Variants in PCDH9 observed in about 807,000 individuals in gnomAD.
PCDH9 encodes protocadherin 9.
A neutral mutation model predicts 70.6 loss-of-function variants in PCDH9; 24 were observed. That is an observed-to-expected ratio of 0.34 (90% CI 0.25 to 0.48). The LOEUF is 0.48. PCDH9 is among the 20% of genes least tolerant of loss of function. PCDH9 has a pLI of 0.99. For synonymous variants in PCDH9, 562 were observed against 558.5 expected (o/e 1.01, Z -0.09); for missense variants, 1,281 against 1,503.6 (o/e 0.85, Z 2.45).
intron 3 of PCDH9, among the ~76,000 whole-genome samples, chr13:66,764,787 C>A (rs9571656): frequency 2.0e-5 from 3 of 151,752 alleles, no homozygotes; most frequent in Non-Finnish European, 4.4e-5. Flanking sequence ...TAGATGCACA[C>A]TGATTAAGAA....
intron 4 of PCDH9, among the ~76,000 whole-genome samples, chr13:66,488,645 T>C (rs1958985447): frequency 6.6e-6 from 1 of 152,140 alleles, no homozygotes; most frequent in South Asian, 2.1e-4. Flanking sequence ...TAATATGTAT[T>C]AGTAGAAGAA....
At chr13:66,330,593 G>C (rs926913154) in intron 4 of PCDH9, among the ~76,000 whole-genome samples, 5 of 152,108 alleles carry the variant, frequency 3.3e-5, no homozygotes, top group Admixed American at 6.6e-5. Context: ...GTGTGGGGGT[G>C]GGGGAAAGCC....
intron 2 of PCDH9, among the ~76,000 whole-genome samples, chr13:67,008,073 A>G (rs751624653): frequency 2.6e-5 from 4 of 152,130 alleles, no homozygotes; most frequent in Non-Finnish European, 4.4e-5. Flanking sequence ...TTAAACTTAG[A>G]ATAATTTCTC....
intron 3 of PCDH9, among the ~76,000 whole-genome samples, chr13:66,811,788 C>T (rs2080512689): frequency 6.7e-6 from 1 of 150,326 alleles, no homozygotes; most frequent in African/African-American, 2.4e-5. Context: ...TCTTTTCCTT[C>T]TCTTTCTCTC....
chr13:67,103,815 G>A (rs1594516212), intron 2 of PCDH9, among the ~76,000 whole-genome samples: 1 of 152,148 alleles, frequency 6.6e-6, no homozygotes, highest in African/African-American at 2.4e-5. Context: ...CTAGGCAGTG[G>A]GGAACCATCG....
intron 4 of PCDH9, among the ~76,000 whole-genome samples, chr13:66,397,719 T>C (rs113933906): frequency 0.015 from 2,237 of 151,872 alleles, 65 homozygotes; most frequent in African/African-American, 0.051. Context: ...CATGTTATCA[T>C]TGGTGTGTCA....
chr13:67,056,206 A>G (rs776314763), intron 2 of PCDH9, among the ~76,000 whole-genome samples: 2 of 152,174 alleles, frequency 1.3e-5, no homozygotes, highest in Non-Finnish European at 2.9e-5. Flanking sequence ...TTAACAGTCA[A>G]GTGCTTATTT....
In PCDH9 at chr13:66,407,230, T is replaced by C. The variant is rs1341496410; in HGVS notation, c.3341-102202A>G. On this transcript the variant is annotated intron_variant, in intron 4 of 4. Transcript: ENST00000377865. ...AAGCAACGAAAAAGGCAGCAATAAA[T>C]ATGCTCAAGCGTAAATACATCTGAG... Among the ~76,000 whole-genome samples, 8 of 152,298 alleles carry C rather than the reference T, an allele frequency of 5.3e-5. No homozygotes were observed. The East Asian group carries it at 1.4e-3, about 26-fold the overall frequency.
chr13:66,518,546 C>CT (rs1482728697), intron 4 of PCDH9, among the ~76,000 whole-genome samples: 1 of 152,028 alleles, frequency 6.6e-6, no homozygotes, highest in African/African-American at 2.4e-5. Context: ...TGAAAGCACA[C>CT]TTTTTTATGG....
At chr13:66,880,751 A>C (rs1203131769) in intron 3 of PCDH9, among the ~76,000 whole-genome samples, 2 of 152,210 alleles carry the variant, frequency 1.3e-5, no homozygotes, top group Non-Finnish European at 2.9e-5. Context: ...TGATATAAAT[A>C]AGGCATAGAA....
chr13:66,842,572 T>C (rs1392955485), intron 3 of PCDH9, among the ~76,000 whole-genome samples: 2 of 152,196 alleles, frequency 1.3e-5, no homozygotes, highest in African/African-American at 4.8e-5. Context: ...ATTATAGAAA[T>C]AGGGACATTT....
intron 2 of PCDH9, among the ~76,000 whole-genome samples, chr13:67,101,363 T>C (rs2086430620): frequency 6.6e-6 from 1 of 152,202 alleles, no homozygotes; most frequent in African/African-American, 2.4e-5. Context: ...AGCAAACTCA[T>C]TGGTATTTTA....
intron 4 of PCDH9, among the ~76,000 whole-genome samples, chr13:66,589,908 A>AT (rs1326996367): frequency 6.6e-6 from 1 of 152,006 alleles, no homozygotes; most frequent in Non-Finnish European, 1.5e-5. Flanking sequence ...ATAAGAAGAA[A>AT]TTTTTTCTTT....
chr13:67,048,147 A>C (rs940765917), intron 2 of PCDH9, among the ~76,000 whole-genome samples: 36 of 152,300 alleles, frequency 2.4e-4, no homozygotes, highest in African/African-American at 7.9e-4. Flanking sequence ...GAGATTTTGA[A>C]GGTAATTTAT....
At chr13:66,586,998 A>G (rs1000421441) in intron 4 of PCDH9, among the ~76,000 whole-genome samples, 5 of 152,122 alleles carry the variant, frequency 3.3e-5, no homozygotes, top group Admixed American at 6.6e-5. Context: ...TAAAATTAAT[A>G]TATTATCACT....
intron 4 of PCDH9, among the ~76,000 whole-genome samples, chr13:66,586,083 C>T (rs1348161020): frequency 6.6e-6 from 1 of 152,148 alleles, no homozygotes; most frequent in African/African-American, 2.4e-5. Flanking sequence ...AAAGCATTCA[C>T]AACTGAGAGT....
At chr13:67,058,479 C>T (rs1298436966) in intron 2 of PCDH9, among the ~76,000 whole-genome samples, 3 of 152,116 alleles carry the variant, frequency 2.0e-5, no homozygotes, top group Admixed American at 2.0e-4. Flanking sequence ...CACTGCATTG[C>T]CCTCGTCAGG....
intron 2 of PCDH9, among the ~76,000 whole-genome samples, chr13:67,140,910 G>T (rs971290125): frequency 2.0e-5 from 3 of 151,918 alleles, no homozygotes; most frequent in Admixed American, 6.6e-5. Flanking sequence ...TTCTTTCCTC[G>T]GTCAGTTTTA....
intron 4 of PCDH9, among the ~76,000 whole-genome samples, chr13:66,366,387 T>C (rs1956555559): frequency 6.6e-6 from 1 of 152,000 alleles, no homozygotes; most frequent in Non-Finnish European, 1.5e-5. Flanking sequence ...TTGAGTAATA[T>C]TTTCTCAAGA....
Sources: gnomAD v4.1 joint callset for allele counts (sites outside exome capture counted in the v4.1 genomes callset) on GRCh38, gnomAD v4.1.1 for gene constraint, MANE v1.5 for transcripts, NCBI Gene and HGNC (gene_info 2026-07-23, HGNC 2026-07-21) for gene names.